Variants in TRIM33 observed in about 807,000 individuals in gnomAD.
TRIM33 encodes the protein tripartite motif containing 33.
Under a neutral mutation model 125.4 loss-of-function variants are expected in TRIM33, and 20 were observed. That is an observed-to-expected ratio of 0.16 (90% CI 0.11 to 0.23). The LOEUF (loss-of-function observed/expected upper bound fraction) is 0.23. TRIM33 is among the 10% of genes least tolerant of loss of function. The probability of loss-of-function intolerance (pLI) is 1.00; values close to 1 mark genes in which losing one functional copy is unlikely to be tolerated. For missense variants in TRIM33, 920 were observed against 1,411.4 expected, an observed-to-expected ratio of 0.65 and a Z score of 5.58; for synonymous variants, 564 against 513.9, an observed-to-expected ratio of 1.10 and a Z score of -1.32.
rs561974428 is a variant in TRIM33 at position 114,471,333 on chromosome 1, C to T, written c.527-6945G>A. On this transcript the variant is annotated intron_variant, in intron 1 of 19. Coordinates refer to ENST00000358465, the MANE Select transcript of TRIM33 (RefSeq NM_015906.4). Reference sequence around the variant, plus strand: ...GCGTGCACCTCTAGTCCCAGCTACTCGGGAGGCTGAGGCAGGAGAACTGCT... The same window carrying T: ...GCGTGCACCTCTAGTCCCAGCTACTTGGGAGGCTGAGGCAGGAGAACTGCT... Among the ~76,000 whole-genome samples the T allele has an allele frequency of 5.3e-5, 8 of 151,714 alleles. No individual in the cohort carries two copies. In the East Asian group the frequency reaches 9.7e-4, roughly 18 times the overall value.
chr1:114,479,525 C>T (rs1159097450), intron 1 of TRIM33, among the ~76,000 whole-genome samples: 3 of 152,056 alleles, frequency 2.0e-5, no homozygotes, highest in African/African-American at 7.2e-5. Flanking sequence ...CAAAAATATC[C>T]TTCAAAAATG....
rs139674993 is a variant in TRIM33, at chr1:114,495,077, C to T, written c.526+15474G>A. Among the ~76,000 whole-genome samples the T allele has an allele frequency of 7.0e-3, 1,068 of 152,218 alleles. 11 individuals carry two copies. Among genetic ancestry groups the T allele is most frequent in the African/African-American group, 0.025 (1,040 of 41,532 alleles). On this transcript the variant is annotated intron_variant, in intron 1 of 19. Coordinates refer to ENST00000358465, the MANE Select transcript of TRIM33 (RefSeq NM_015906.4). ...TACAGGCATGTGCCACCACACCTGG[C>T]TAATTTTTGTATTTTTAGGTAGAGA...
intron 16 of TRIM33, among the ~76,000 whole-genome samples, chr1:114,402,044 G>C (rs1214166462): frequency 1.7e-4 from 26 of 152,124 alleles, no homozygotes; most frequent in Non-Finnish European, 5.9e-5. Context: ...TAGTGGATGA[G>C]GGTTTTTACC....
At chr1:114,403,001 G>T in intron 15 of TRIM33, 118 bp from the exon 16 acceptor site, 1 of 1,051,400 alleles carries the variant, frequency 9.5e-7, no homozygotes, top group Non-Finnish European at 1.3e-6. Flanking sequence ...AAAAAGGGAG[G>T]TTTTATAGTT....
chr1:114,485,147 T>C (rs1206463602), intron 1 of TRIM33, among the ~76,000 whole-genome samples: 1 of 152,030 alleles, frequency 6.6e-6, no homozygotes, highest in Non-Finnish European at 1.5e-5. Context: ...AGAATAGGAA[T>C]TAAAAGCATG....
At chr1:114,453,054 G>C (rs1037959233) in intron 4 of TRIM33, among the ~76,000 whole-genome samples, 5 of 152,092 alleles carry the variant, frequency 3.3e-5, no homozygotes, top group Non-Finnish European at 7.4e-5. Context: ...GAATGGAGCA[G>C]AAAGCGTTAG....
intron 1 of TRIM33, among the ~76,000 whole-genome samples, chr1:114,497,267 T>C (rs1652427060): frequency 6.6e-6 from 1 of 152,196 alleles, no homozygotes; most frequent in South Asian, 2.1e-4. Context: ...TGTGTTCAAA[T>C]AAAAATTTCT....
intron 1 of TRIM33, among the ~76,000 whole-genome samples, chr1:114,490,526 C>T (rs967025128): frequency 1.3e-5 from 2 of 152,184 alleles, no homozygotes; most frequent in Admixed American, 6.5e-5. Flanking sequence ...CCAGCAATTG[C>T]ACTCTCAAGT....
intron 4 of TRIM33, among the ~76,000 whole-genome samples, chr1:114,449,141 G>A (rs1649164953): frequency 6.6e-6 from 1 of 151,266 alleles, no homozygotes; most frequent in Non-Finnish European, 1.5e-5. Flanking sequence ...GATATTTCAG[G>A]GAGTAAAGAG....
At chr1:114,414,910 A>AT (rs1200036689) in intron 11 of TRIM33, among the ~76,000 whole-genome samples, 7 of 152,094 alleles carry the variant, frequency 4.6e-5, no homozygotes, top group African/African-American at 1.7e-4. Context: ...AAAAATAATC[A>AT]TAACAACTAA....
chr1:114,472,721 G>A (rs1445135713), intron 1 of TRIM33, among the ~76,000 whole-genome samples: 1 of 152,018 alleles, frequency 6.6e-6, no homozygotes, highest in African/African-American at 2.4e-5. Flanking sequence ...TCTCAAAAAT[G>A]AAAACAAAAA....
At position 114,397,589 on chromosome 1, in the gene TRIM33, G is replaced by GTTTTTTTTTTTTTTTTTTTTTTTTT; in HGVS notation, c.*58_*59insAAAAAAAAAAAAAAAAAAAAAAAAA. ...CTTAAAAGTTTTCTGGGTTTTTTGT[G>GTTTTTTTTTTTTTTTTTTTTTTTTT]TTTTTTTTTTTTTTTTCGTTTTTTT... On this transcript the variant is annotated 3_prime_UTR_variant, in exon 20 of 20. Transcript: ENST00000358465. 6.3e-6 allele frequency: 4 copies of GTTTTTTTTTTTTTTTTTTTTTTTTT among 637,682 alleles called. No individual in the cohort carries two copies. The highest frequency in any genetic ancestry group is 7.1e-6 in the Non-Finnish European group (3 of 424,414). 39.5% of individuals were successfully genotyped at this position (637,682 alleles called of 1,614,324 possible).
chr1:114,429,743 G>GT (rs1186877912), intron 6 of TRIM33, among the ~76,000 whole-genome samples: 7 of 151,902 alleles, frequency 4.6e-5, no homozygotes, highest in African/African-American at 1.7e-4. Flanking sequence ...TCTGAACCTA[G>GT]TTAAGAGCAT....
intron 4 of TRIM33, among the ~76,000 whole-genome samples, chr1:114,436,571 TTCTCCTC>T (rs1648320082): frequency 6.6e-6 from 1 of 151,958 alleles, no homozygotes; most frequent in Non-Finnish European, 1.5e-5. Context: ...GTTCAAGCAG[TTCTCCTC>T]CTCAGCCTCC....
chr1:114,405,325 GA>G, intron 15 of TRIM33, 84 bp downstream of exon 15: 1 of 1,028,042 alleles, frequency 9.7e-7, no homozygotes, highest in East Asian at 2.4e-5. Flanking sequence ...GCACTGGTTA[GA>G]AGGCCATCTG....
intron 15 of TRIM33, 82 bp downstream of exon 15, chr1:114,405,327 AG>A: frequency 9.6e-7 from 1 of 1,044,638 alleles, no homozygotes; most frequent in African/African-American, 1.6e-5. Context: ...ACTGGTTAGA[AG>A]GCCATCTGCC....
chr1:114,466,423 A>G (rs1477452911), intron 1 of TRIM33, among the ~76,000 whole-genome samples: 1 of 152,180 alleles, frequency 6.6e-6, no homozygotes, highest in Non-Finnish European at 1.5e-5. Context: ...AGAAAGGCCT[A>G]TCTTCAGGAC....
At chr1:114,468,163 A>C (rs898858137) in intron 1 of TRIM33, among the ~76,000 whole-genome samples, 6 of 152,204 alleles carry the variant, frequency 3.9e-5, no homozygotes, top group African/African-American at 1.4e-4. Flanking sequence ...CCTATCTCTT[A>C]TTCATCTCTA....
intron 9 of TRIM33, 49 bp downstream of exon 9, chr1:114,425,400 G>A: frequency 6.3e-7 from 1 of 1,594,708 alleles, no homozygotes; most frequent in Non-Finnish European, 8.6e-7. Context: ...AAAGTGTAGT[G>A]TTGAGGGCTT....
Sources: gnomAD v4.1 joint callset for allele counts (sites outside exome capture counted in the v4.1 genomes callset) on GRCh38, gnomAD v4.1.1 for gene constraint, MANE v1.5 for transcripts, NCBI Gene and HGNC (gene_info 2026-07-23, HGNC 2026-07-21) for gene names.